Variants in PAXIP1 observed in about 807,000 individuals in gnomAD.
The protein encoded by PAXIP1 is PAX-interacting protein 1.
Under a neutral mutation model 140.6 loss-of-function variants are expected in PAXIP1, and 19 were observed. The ratio of observed to expected loss-of-function variants is 0.14; its 90% CI spans 0.09 to 0.20. The LOEUF is 0.20. Ranked by LOEUF, PAXIP1 falls within the 10% of genes least tolerant of loss-of-function variation. The probability of loss-of-function intolerance (pLI) is 1.00; values close to 1 mark genes in which losing one functional copy is unlikely to be tolerated. For missense variants in PAXIP1, 920 were observed against 1,208.6 expected (o/e 0.76, Z 3.54); for synonymous variants, 442 against 444.6 (o/e 0.99, Z 0.07).
intron 16 of PAXIP1, chr7:154,949,897 A>G (rs191956218): frequency 1.3e-5 from 2 of 152,340 alleles, no homozygotes; most frequent in Admixed American, 1.3e-4. Flanking sequence ...AGACTGGGTG[A>G]GACTCTGTCT....
intron 9 of PAXIP1, 183 bp from the exon 10 acceptor site, chr7:154,962,641 C>A: frequency 3.9e-6 from 2 of 510,306 alleles, no homozygotes; most frequent in Non-Finnish European, 6.9e-6. Flanking sequence ...TGAAATACAA[C>A]CTAAAAATGT....
At chr7:154,982,635 G>A (rs1809895289) in intron 5 of PAXIP1, among the ~76,000 whole-genome samples, 1 of 152,218 alleles carries the variant, frequency 6.6e-6, no homozygotes, top group African/African-American at 2.4e-5. Flanking sequence ...ACAGGCATGA[G>A]CCACTGCGCC....
intron 1 of PAXIP1, 27 bp downstream of exon 1, chr7:155,002,822 A>G (rs1426686616): frequency 4.6e-6 from 6 of 1,317,846 alleles, no homozygotes; most frequent in East Asian, 7.0e-5. Context: ...ACGGGGGAGG[A>G]GGCCGCGGCA....
At chr7:154,961,172 T>G (rs1194585707) in intron 11 of PAXIP1, 95 bp from the exon 12 acceptor site, 2 of 1,050,438 alleles carry the variant, frequency 1.9e-6, no homozygotes, top group Admixed American at 3.1e-5. Context: ...CAATAAAAAA[T>G]TTCTCATAAT....
chr7:154,998,823 ATACTG>A, intron 1 of PAXIP1, 39 bp from the exon 2 acceptor site: 2 of 1,564,290 alleles, frequency 1.3e-6, no homozygotes, highest in Non-Finnish European at 8.7e-7. Context: ...AAAATGGGCA[ATACTG>A]TACTGTACTC....
rs75187246 is a variant in PAXIP1 at position 154,993,574 on chromosome 7, A to C, written c.260+152T>G. ...ACAAGGATCAGGTACATAAAATTTG[A>C]AACAGGATGGAAAATAGTAGGAATA... is the stretch of plus-strand genomic sequence containing the variant. On this transcript the variant is annotated intron_variant, in intron 3 of 20. Coordinates refer to ENST00000404141, the MANE Select transcript of PAXIP1 (RefSeq NM_007349.4). Among the ~76,000 whole-genome samples the C allele has an allele frequency of 4.5e-3, 688 of 152,324 alleles. 7 individuals carry two copies. The highest frequency in any genetic ancestry group is 0.015 in the African/African-American group (636 of 41,558).
Position 155,000,137 on chromosome 7 carries a change from A to T in PAXIP1, c.82-1353T>A, listed in dbSNP as rs116117654. 554 of 152,290 alleles carry T rather than the reference A, an allele frequency of 3.6e-3. 1 individual carries two copies. The highest frequency in any genetic ancestry group is 0.013 in the African/African-American group (525 of 41,532). The allele number at this position is 152,290 out of a possible 1,614,324, so 9.4% of individuals were successfully genotyped here. On this transcript the variant is annotated intron_variant, in intron 1 of 20. Transcript: ENST00000404141. ...AGCAGAGAGCTTTCTTCTTTCACTT[A>T]TTAAACTTTTGCTCCAACCTCAAAA... is the stretch of plus-strand genomic sequence containing the variant.
intron 5 of PAXIP1, among the ~76,000 whole-genome samples, chr7:154,977,356 C>T (rs1210334752): frequency 1.3e-5 from 2 of 152,102 alleles, no homozygotes; most frequent in Non-Finnish European, 2.9e-5. Flanking sequence ...TAATCAGGGC[C>T]CTAAACTAAA....
At chr7:154,959,994 T>G in intron 12 of PAXIP1, 61 bp from the exon 13 acceptor site, 2 of 1,087,122 alleles carry the variant, frequency 1.8e-6, no homozygotes, top group South Asian at 1.3e-5. Context: ...AAAGGCCTTT[T>G]TATAAAAGTC....
At chr7:154,992,258 G>A (rs1810367201) in intron 3 of PAXIP1, among the ~76,000 whole-genome samples, 1 of 152,058 alleles carries the variant, frequency 6.6e-6, no homozygotes. Context: ...GCTCAAAGAA[G>A]ATCCCAGTGG....
Position 154,960,890 on chromosome 7 carries a change from T to C in PAXIP1, c.2434+3A>G, listed in dbSNP as rs1294854748. 6.4e-7 allele frequency: 1 copy of C among 1,554,164 alleles called. No homozygotes were observed. Among genetic ancestry groups the C allele is most frequent in the Non-Finnish European group, 8.7e-7 (1 of 1,151,180 alleles). ...GATTTGCAGCATGTAGAATTTCACT[T>C]ACCTAAAAGATTTAAAACTAAATGC... On this transcript the variant is annotated splice_donor_region_variant and intron_variant, in intron 12 of 20. Coordinates refer to ENST00000404141, the MANE Select transcript of PAXIP1 (RefSeq NM_007349.4).
At chr7:154,982,654 A>C (rs531406941) in intron 5 of PAXIP1, among the ~76,000 whole-genome samples, 2 of 152,304 alleles carry the variant, frequency 1.3e-5, no homozygotes, top group South Asian at 2.1e-4. Context: ...CCTGGCCAAC[A>C]GGCTGCATTT....
At chr7:154,944,416 A>C (rs1464335375) in intron 20 of PAXIP1, 1 of 363,664 alleles carries the variant, frequency 2.7e-6, no homozygotes, top group East Asian at 4.6e-5. Context: ...CCATGCGGCC[A>C]GAACTGAGGC....
chr7:155,000,236 G>A (rs1810828186), intron 1 of PAXIP1: 1 of 152,212 alleles, frequency 6.6e-6, no homozygotes, highest in Non-Finnish European at 1.5e-5. Flanking sequence ...ATGAACTAGA[G>A]CAGAGGCTCA....
At chr7:154,961,737 A>G (rs1808763380) in intron 10 of PAXIP1, 89 bp from the exon 11 acceptor site, 1 of 1,113,382 alleles carries the variant, frequency 9.0e-7, no homozygotes. Context: ...GTTGATACAT[A>G]TTTTTTCACT....
chr7:154,949,405 C>G (rs891797598), intron 16 of PAXIP1: 1 of 151,846 alleles, frequency 6.6e-6, no homozygotes, highest in Non-Finnish European at 1.5e-5. Flanking sequence ...CCTGAGTCAA[C>G]CAGCAGATAG....
chr7:154,977,135 G>T (rs1366634123), intron 5 of PAXIP1, among the ~76,000 whole-genome samples: 1 of 152,190 alleles, frequency 6.6e-6, no homozygotes, highest in African/African-American at 2.4e-5. Flanking sequence ...GTCCGGAGTA[G>T]TATGTTCGGC....
At position 154,956,826 on chromosome 7, in the gene PAXIP1, AG is replaced by A. The variant is rs1376736196; in HGVS notation, c.2549+397del. 6.3e-6 allele frequency: 1 copy of A among 158,372 alleles called. No individual in the cohort carries two copies. Among genetic ancestry groups the A allele is most frequent in the Non-Finnish European group, 1.4e-5 (1 of 72,604 alleles). The allele number at this position is 158,372 out of a possible 1,614,324, so 9.8% of individuals were successfully genotyped here. A position where few individuals can be genotyped will look rare whatever the true frequency, so the allele number is the denominator to read the frequency against. On this transcript the variant is annotated intron_variant, in intron 14 of 20. Transcript: ENST00000404141. This position sits in a 1 kb window ranked among gnomAD's most constrained non-coding sequence, Gnocchi z 4.2. ...CTCGGCACCTACATGCTCTCTCGGC[AG>A]CCTACATGCTCTCTCGGCAGCCTAC...
rs1811013126 is a variant in PAXIP1, at chr7:155,003,105, C to T, written c.-176G>A. On this transcript the variant is annotated 5_prime_UTR_variant, in exon 1 of 21. Transcript: ENST00000404141. The stretch of plus-strand genomic sequence containing the variant: ...CCGCCCTCCGCGCCCCCGCCCGCGC[C>T]CGCGCCGAGCGCCCGAAGCGCGGGA... The T allele has an allele frequency of 6.0e-6, 1 of 165,942 alleles. No individual in the cohort carries two copies. 10.3% of individuals were successfully genotyped at this position (165,942 alleles called of 1,614,324 possible).
Sources: gnomAD v4.1 joint callset for allele counts (sites outside exome capture counted in the v4.1 genomes callset) on GRCh38, gnomAD v4.1.1 for gene constraint, Gnocchi (gnomAD v3.1) non-coding constraint, MANE v1.5 for transcripts, NCBI Gene and HGNC (gene_info 2026-07-23, HGNC 2026-07-21) for gene names.